Variants in NELL1 observed in about 807,000 individuals in gnomAD.
NELL1 encodes protein kinase C-binding protein NELL1.
Under a neutral mutation model 107.4 loss-of-function variants are expected in NELL1, and 76 were observed. The ratio of observed to expected loss-of-function variants is 0.71; its 90% CI spans 0.59 to 0.86. The LOEUF (loss-of-function observed/expected upper bound fraction) is 0.86, where lower values mean the gene tolerates loss of function less well. Among genes scored for constraint, NELL1 ranks in the 40% least tolerant of loss-of-function variants. The pLI is 0.00. For synonymous variants in NELL1, 353 were observed against 341.2 expected (o/e 1.03, Z -0.38); for missense variants, 1,024 against 1,005.5 (o/e 1.02, Z -0.25).
chr11:21,172,797 T>C (rs1856634057), intron 13 of NELL1, among the ~76,000 whole-genome samples: 1 of 151,774 alleles, frequency 6.6e-6, no homozygotes. Context: ...TATAATTCCT[T>C]TTTAAATGCA....
At chr11:20,971,962 G>A (rs1218142002) in intron 12 of NELL1, among the ~76,000 whole-genome samples, 1 of 151,660 alleles carries the variant, frequency 6.6e-6, no homozygotes, top group Admixed American at 6.6e-5. Context: ...ACTCATAAGT[G>A]GGAGTTGAAC....
At chr11:21,365,251 C>G (rs1037820492) in intron 14 of NELL1, among the ~76,000 whole-genome samples, 3 of 152,152 alleles carry the variant, frequency 2.0e-5, no homozygotes, top group African/African-American at 7.2e-5. Context: ...TAGTTGTAGA[C>G]TTCCCAACAC....
chr11:21,001,561 T>C (rs149552227), intron 12 of NELL1, among the ~76,000 whole-genome samples: 1 of 151,896 alleles, frequency 6.6e-6, no homozygotes, highest in Non-Finnish European at 1.5e-5. Flanking sequence ...TGGTGTGTTA[T>C]TTGGGTTCTC....
intron 3 of NELL1, among the ~76,000 whole-genome samples, chr11:20,811,480 A>C (rs575855307): frequency 6.6e-6 from 1 of 152,206 alleles, no homozygotes; most frequent in Non-Finnish European, 1.5e-5. Context: ...TCTGTGAAGA[A>C]TGTCCTTAGT....
At chr11:21,354,664 G>GATCAGGT (rs1171297754) in intron 14 of NELL1, among the ~76,000 whole-genome samples, 1 of 152,188 alleles carries the variant, frequency 6.6e-6, no homozygotes, top group Non-Finnish European at 1.5e-5. Context: ...CTGAGAAGTT[G>GATCAGGT]TTCAGGTTTC....
At chr11:20,753,497 C>T (rs796863233) in intron 2 of NELL1, among the ~76,000 whole-genome samples, 2 of 152,182 alleles carry the variant, frequency 1.3e-5, no homozygotes, top group African/African-American at 2.4e-5. Context: ...TGTGCCCCTA[C>T]ATTAATCACA....
intron 14 of NELL1, among the ~76,000 whole-genome samples, chr11:21,298,477 G>A (rs1849421965): frequency 6.6e-6 from 1 of 151,918 alleles, no homozygotes. Flanking sequence ...ACACCGTTTT[G>A]ATCTCTTACT....
At chr11:21,111,158 G>A (rs1855097979) in intron 12 of NELL1, among the ~76,000 whole-genome samples, 1 of 152,008 alleles carries the variant, frequency 6.6e-6, no homozygotes, top group South Asian at 2.1e-4. Flanking sequence ...TCTCAGAGTA[G>A]GTCAAATTCC....
rs561329388 is a variant in NELL1, at chr11:21,488,015, A to G, written c.1646-46359A>G. Among the ~76,000 whole-genome samples, 3 of 152,308 alleles carry G rather than the reference A, an allele frequency of 2.0e-5. No individual in the cohort carries two copies. In the South Asian group the frequency reaches 6.2e-4, roughly 32 times the overall value. On this transcript the variant is annotated intron_variant, in intron 15 of 19. Transcript: ENST00000357134. ...TAAATATATATACATACAACACTGG[A>G]ACACCCAGATTCATAAAGCAAATAT...
At chr11:21,132,965 G>A (rs1028143628) in intron 13 of NELL1, among the ~76,000 whole-genome samples, 2 of 152,180 alleles carry the variant, frequency 1.3e-5, no homozygotes, top group Non-Finnish European at 2.9e-5. Flanking sequence ...CAGCTCTCAG[G>A]AGACCCGAAG....
At chr11:20,952,954 G>A (rs1184198210) in intron 11 of NELL1, among the ~76,000 whole-genome samples, 1 of 152,142 alleles carries the variant, frequency 6.6e-6, no homozygotes, top group African/African-American at 2.4e-5. Context: ...CCTACCTTCT[G>A]TCCACAAAAG....
At chr11:20,922,427 G>A (rs907930790) in intron 7 of NELL1, among the ~76,000 whole-genome samples, 1 of 151,910 alleles carries the variant, frequency 6.6e-6, no homozygotes, top group Non-Finnish European at 1.5e-5. Context: ...TTCAGGGTAT[G>A]TAGTCTGCCG....
In NELL1 at chr11:21,519,999, A is replaced by AAAC. The variant is rs925608425; in HGVS notation, c.1646-14359_1646-14357dup. Reference sequence around the variant, plus strand: ...ATACCCATATCAATCGCTTTGGGAAAAACAACAACAACAACAACTTTGATC... The same window carrying AAAC: ...ATACCCATATCAATCGCTTTGGGAAAAACAACAACAACAACAACAACTTTGATC... On this transcript the variant is annotated intron_variant, in intron 15 of 19. Transcript: ENST00000357134. Among the ~76,000 whole-genome samples the AAAC allele has an allele frequency of 5.3e-5, 8 of 152,136 alleles. No individual in the cohort carries two copies. The South Asian group carries it at 1.0e-3, about 20-fold the overall frequency.
chr11:21,081,607 C>T (rs1854271333), intron 12 of NELL1, among the ~76,000 whole-genome samples: 1 of 152,174 alleles, frequency 6.6e-6, no homozygotes, highest in Admixed American at 6.6e-5. Flanking sequence ...ACACTGGAAG[C>T]ATGAGAGTCA....
intron 4 of NELL1, among the ~76,000 whole-genome samples, chr11:20,880,647 A>G (rs1292831188): frequency 6.6e-6 from 1 of 152,112 alleles, no homozygotes; most frequent in Non-Finnish European, 1.5e-5. Flanking sequence ...AGTGCGGTAT[A>G]TTTTTTAGGG....
At chr11:20,947,496 T>C in intron 11 of NELL1, 61 bp downstream of exon 11, 1 of 1,226,756 alleles carries the variant, frequency 8.2e-7, no homozygotes, top group Non-Finnish European at 1.2e-6. Context: ...TTCTGGGGCA[T>C]GAGATTTTAA....
At position 20,982,701 on chromosome 11, in the gene NELL1, AG is replaced by A. The variant is rs140785155; in HGVS notation, c.1300+22142del. On this transcript the variant is annotated intron_variant, in intron 12 of 19. Coordinates refer to ENST00000357134, the MANE Select transcript of NELL1 (RefSeq NM_006157.5). ...TCAGTAAATGTAGAACCGTAAGCAA[AG>A]TCTCTCTCTCCTCATATTAAAGACA... Among the ~76,000 whole-genome samples the A allele has an allele frequency of 2.2e-3, 335 of 151,964 alleles. 7 individuals carry two copies. The East Asian group carries it at 0.052, about 24-fold the overall frequency.
intron 12 of NELL1, among the ~76,000 whole-genome samples, chr11:21,045,812 A>T (rs540969600): frequency 6.6e-6 from 1 of 152,176 alleles, no homozygotes; most frequent in Non-Finnish European, 1.5e-5. Flanking sequence ...ACTGCCTTTT[A>T]AACATTCTTT....
At chr11:21,418,601 G>T (rs1852578443) in intron 15 of NELL1, among the ~76,000 whole-genome samples, 1 of 151,946 alleles carries the variant, frequency 6.6e-6, no homozygotes, top group African/African-American at 2.4e-5. Flanking sequence ...TTTTTTATGG[G>T]TCTTTTCCTT....
Sources: allele counts gnomAD v4.1 joint callset (sites outside exome capture counted in the v4.1 genomes callset), GRCh38; gene constraint gnomAD v4.1.1; transcripts MANE v1.5; gene names NCBI Gene and HGNC (gene_info 2026-07-23, HGNC 2026-07-21).